Variants in CLDN16 observed in about 807,000 individuals in gnomAD.
CLDN16 encodes the protein claudin 16, also known as claudin-16.
CLDN16 carries 13 observed loss-of-function variants against 24.6 expected under a neutral mutation model. The ratio of observed to expected loss-of-function variants is 0.53; its 90% CI spans 0.34 to 0.84. The LOEUF is 0.84. Among genes scored for constraint, CLDN16 ranks in the 40% least tolerant of loss-of-function variants. The pLI, the probability that CLDN16 is intolerant of heterozygous loss-of-function variation, is 0.01. For missense variants in CLDN16, 298 were observed against 292.7 expected, an observed-to-expected ratio of 1.02 and a Z score of -0.13; for synonymous variants, 116 against 106.7, an observed-to-expected ratio of 1.09 and a Z score of -0.54.
chr3:190,318,203 A>C (rs1716820534), upstream of CLDN16, among the ~76,000 whole-genome samples: 1 of 152,224 alleles, frequency 6.6e-6, no homozygotes, highest in Admixed American at 6.5e-5. Flanking sequence ...TGGATGAGGC[A>C]GGATGTACCA....
At chr3:190,354,018 C>A (rs113524754) in intron 1 of CLDN16, among the ~76,000 whole-genome samples, 4,297 of 152,050 alleles carry the variant, frequency 0.028, 95 homozygotes, top group East Asian at 0.054. Flanking sequence ...CTTTCTTTGC[C>A]TCTTCTAGCT....
intron 1 of CLDN16, among the ~76,000 whole-genome samples, chr3:190,348,802 C>A (rs958831784): frequency 1.3e-5 from 2 of 152,082 alleles, no homozygotes; most frequent in African/African-American, 2.4e-5. Flanking sequence ...TTTTCCTGAT[C>A]CTCTTTCTCT....
At chr3:190,308,116 AC>A in the CLDN16 span, 49 of 812,828 alleles carry the variant, frequency 6.0e-5, no homozygotes, top group South Asian at 7.3e-4. Context: ...CATGTTTAGC[AC>A]TGAGTATTTT....
chr3:190,304,194 G>C, the CLDN16 span, among the ~76,000 whole-genome samples: 4 of 152,314 alleles, frequency 2.6e-5, no homozygotes, highest in Non-Finnish European at 4.4e-5. Flanking sequence ...TTATGGCTAA[G>C]AGCCACTGCA....
intron 1 of CLDN16, among the ~76,000 whole-genome samples, chr3:190,357,106 C>G (rs1265568718): frequency 6.6e-6 from 1 of 151,846 alleles, no homozygotes. Flanking sequence ...AATCACAGTC[C>G]TTATTTTTGG....
At chr3:190,406,116 T>C (rs1257721794) in intron 3 of CLDN16, among the ~76,000 whole-genome samples, 2 of 152,214 alleles carry the variant, frequency 1.3e-5, no homozygotes, top group East Asian at 1.9e-4. Context: ...GGTAGTAACA[T>C]GTAGCCTGAA....
At chr3:190,397,142 A>G (rs554846016) in intron 1 of CLDN16, among the ~76,000 whole-genome samples, 1 of 152,120 alleles carries the variant, frequency 6.6e-6, no homozygotes, top group African/African-American at 2.4e-5. Flanking sequence ...ATTTTTGGCA[A>G]CTAATTAAGA....
At chr3:190,309,828 T>C in the CLDN16 span, among the ~76,000 whole-genome samples, 1 of 152,220 alleles carries the variant, frequency 6.6e-6, no homozygotes, top group South Asian at 2.1e-4. Context: ...CTTAGGTAGG[T>C]GTTGTAAACA....
intron 1 of CLDN16, among the ~76,000 whole-genome samples, chr3:190,396,808 A>C (rs1718831723): frequency 6.6e-6 from 1 of 152,184 alleles, no homozygotes; most frequent in Admixed American, 6.6e-5. Context: ...CTAATGAAAA[A>C]ACAGAAGTCT....
At chr3:190,387,318 C>A (rs1560093292), upstream of CLDN16, among the ~76,000 whole-genome samples, 1 of 151,466 alleles carries the variant, frequency 6.6e-6, no homozygotes, top group African/African-American at 2.4e-5. Flanking sequence ...ATATTAAAAA[C>A]TTTTTTTTAC....
the CLDN16 span, among the ~76,000 whole-genome samples, chr3:190,291,576 GA>G: frequency 6.6e-6 from 1 of 152,090 alleles, no homozygotes; most frequent in African/African-American, 2.4e-5. Flanking sequence ...ATTAAAATTT[GA>G]GATGTATTTG....
chr3:190,343,334 A>T (rs915501783), intron 1 of CLDN16, among the ~76,000 whole-genome samples: 1 of 152,162 alleles, frequency 6.6e-6, no homozygotes, highest in Non-Finnish European at 1.5e-5. Context: ...TGTGGAAGAA[A>T]GGGAAGCCTT....
chr3:190,392,564 A>T (rs2108661540), intron 1 of CLDN16, among the ~76,000 whole-genome samples: 1 of 152,290 alleles, frequency 6.6e-6, no homozygotes, highest in South Asian at 2.1e-4. Flanking sequence ...AGCACCATGT[A>T]GCACACACTA....
intron 1 of CLDN16, among the ~76,000 whole-genome samples, chr3:190,334,551 A>G (rs1037466373): frequency 6.6e-6 from 1 of 152,260 alleles, no homozygotes; most frequent in African/African-American, 2.4e-5. Flanking sequence ...TCTGTTCCCC[A>G]GCAACTGAAT....
Position 190,374,269 on chromosome 3 carries a change from T to TTGTGTGTGTGTGTG in CLDN16, n.231-228_231-215dup, listed in dbSNP as rs3220823. Reference sequence around the variant, plus strand: ...ATTTTCCTTCCAGCCCTGAAAAACATTGTGTGTGTGTGTGTGTGTGTGTGT... The same window carrying TTGTGTGTGTGTGTG: ...ATTTTCCTTCCAGCCCTGAAAAACATTGTGTGTGTGTGTGTGTGTGTGTGTGTGTGTGTGTGTGT... On this transcript the variant is annotated intron_variant and non_coding_transcript_variant, in intron 2 of 4. Coordinates refer to the CLDN16 transcript ENST00000468220. Among the ~76,000 whole-genome samples the TTGTGTGTGTGTGTG allele has an allele frequency of 4.4e-3, 616 of 139,378 alleles. 2 individuals carry two copies. The highest frequency in any genetic ancestry group is 8.8e-3 in the African/African-American group (327 of 37,096). The allele number at this position is 139,378 out of a possible 152,430, so 91.4% of individuals were successfully genotyped here. A position where few individuals can be genotyped will look rare whatever the true frequency, so the allele number is the denominator to read the frequency against.
intron 1 of CLDN16, among the ~76,000 whole-genome samples, chr3:190,331,402 C>T (rs1717177525): frequency 6.6e-6 from 1 of 152,144 alleles, no homozygotes; most frequent in Admixed American, 6.5e-5. Context: ...TAAAAATTGT[C>T]TTTGGAATCC....
At chr3:190,353,078 G>T (rs1717702042) in intron 1 of CLDN16, among the ~76,000 whole-genome samples, 1 of 152,018 alleles carries the variant, frequency 6.6e-6, no homozygotes, top group Non-Finnish European at 1.5e-5. Context: ...AAGTGATTTT[G>T]TAAAATGGGA....
chr3:190,364,110 G>C (rs149397125), intron 1 of CLDN16, among the ~76,000 whole-genome samples: 72 of 151,880 alleles, frequency 4.7e-4, no homozygotes, highest in African/African-American at 1.6e-3. Context: ...CAATACATTT[G>C]TGAACAAAGC....
intron 2 of CLDN16, among the ~76,000 whole-genome samples, chr3:190,402,668 T>A (rs1718994551): frequency 6.6e-6 from 1 of 152,168 alleles, no homozygotes; most frequent in Non-Finnish European, 1.5e-5. Flanking sequence ...AATATTATCT[T>A]ATTAATCTCT....
Sources: allele counts gnomAD v4.1 joint callset (sites outside exome capture counted in the v4.1 genomes callset), GRCh38; gene constraint gnomAD v4.1.1; transcripts MANE v1.5; gene names NCBI Gene and HGNC (gene_info 2026-07-23, HGNC 2026-07-21).